ZBTB46: variants seen among roughly 807,000 people sequenced by gnomAD.
The protein encoded by ZBTB46 is zinc finger and BTB domain-containing protein 46.
Under a neutral mutation model 44.1 loss-of-function variants are expected in ZBTB46, and 8 were observed. That is an observed-to-expected ratio of 0.18 (90% CI 0.11 to 0.33). ZBTB46 has a LOEUF of 0.33. ZBTB46 is among the 10% of genes least tolerant of loss of function. ZBTB46 has a pLI of 1.00. For missense variants in ZBTB46, 651 were observed against 847.7 expected, an observed-to-expected ratio of 0.77 and a Z score of 2.88; for synonymous variants, 409 against 382.3, an observed-to-expected ratio of 1.07 and a Z score of -0.81.
At chr20:63,782,235 A>G (rs1021071450) in intron 2 of ZBTB46, among the ~76,000 whole-genome samples, 2 of 149,274 alleles carry the variant, frequency 1.3e-5, no homozygotes, top group African/African-American at 5.0e-5. Context: ...TGGCAGAACG[A>G]CTCCGCAGAC....
At chr20:63,760,664 G>T (rs1235196164) in intron 3 of ZBTB46, among the ~76,000 whole-genome samples, 1 of 152,014 alleles carries the variant, frequency 6.6e-6, no homozygotes, top group African/African-American at 2.4e-5. Context: ...CACCGTGTTA[G>T]CCAGGATGGT....
In ZBTB46 at chr20:63,816,181, A is replaced by G. The variant is rs550014073; in HGVS notation, c.-34+14916T>C. Among the ~76,000 whole-genome samples, 49 of 150,738 alleles carry G rather than the reference A, an allele frequency of 3.3e-4. No individual in the cohort carries two copies. In the East Asian group the frequency reaches 8.5e-3, roughly 26 times the overall value. ...GTGCAGGTGCGGTGGGCACAGATGC[A>G]GTGGGCACAGGTGCAGTGAGCAAGG... On this transcript the variant is annotated intron_variant, in intron 1 of 4. Transcript: ENST00000245663.
intron 1 of ZBTB46, among the ~76,000 whole-genome samples, chr20:63,821,513 C>T (rs150115616): frequency 1.2e-3 from 175 of 151,480 alleles, no homozygotes; most frequent in African/African-American, 3.6e-3. Context: ...GCTCTCAGCT[C>T]ACTGCAACCT....
intron 1 of ZBTB46, among the ~76,000 whole-genome samples, chr20:63,819,352 C>G (rs933370275): frequency 6.6e-6 from 1 of 152,186 alleles, no homozygotes; most frequent in Non-Finnish European, 1.5e-5. Context: ...CCTCCAGGAG[C>G]GCATCCCGAA....
chr20:63,810,145 C>G (rs748735254), intron 1 of ZBTB46, among the ~76,000 whole-genome samples: 12 of 152,148 alleles, frequency 7.9e-5, no homozygotes, highest in Non-Finnish European at 1.2e-4. Context: ...TTCTGAGACT[C>G]TGCCCCAAGG....
chr20:63,797,436 T>G (rs907531867), intron 1 of ZBTB46, among the ~76,000 whole-genome samples: 1 of 152,208 alleles, frequency 6.6e-6, no homozygotes, highest in African/African-American at 2.4e-5. Context: ...AAGTCTTTAC[T>G]ATCGTGAATA....
intron 1 of ZBTB46, among the ~76,000 whole-genome samples, chr20:63,816,047 T>G (rs547692066): frequency 8.8e-6 from 1 of 114,244 alleles, no homozygotes; most frequent in African/African-American, 3.5e-5. Flanking sequence ...GTGCGGTGGG[T>G]GCAGGTGCGG....
intron 3 of ZBTB46, among the ~76,000 whole-genome samples, chr20:63,765,090 C>T (rs1282309249): frequency 3.9e-5 from 5 of 127,196 alleles, no homozygotes; most frequent in Non-Finnish European, 5.0e-5. Flanking sequence ...TGCATGTGTG[C>T]ATGTGTATGT....
chr20:63,756,022 C>T (rs181549619), intron 3 of ZBTB46, among the ~76,000 whole-genome samples: 4 of 152,308 alleles, frequency 2.6e-5, no homozygotes, highest in East Asian at 3.9e-4. Flanking sequence ...CATCCGGCTG[C>T]GACTGTACAG....
At chr20:63,795,363 G>A (rs1568879077) in intron 1 of ZBTB46, among the ~76,000 whole-genome samples, 1 of 152,212 alleles carries the variant, frequency 6.6e-6, no homozygotes, top group African/African-American at 2.4e-5. Context: ...CCAGGTGCAC[G>A]GGACGCTGCG....
chr20:63,781,947 C>T (rs140799045), intron 2 of ZBTB46, among the ~76,000 whole-genome samples: 1,561 of 148,944 alleles, frequency 0.01, 23 homozygotes, highest in African/African-American at 0.036. Flanking sequence ...ATTAGCCAGG[C>T]GTGGTGGTGG....
intron 1 of ZBTB46, among the ~76,000 whole-genome samples, chr20:63,795,184 G>A (rs1023050933): frequency 6.6e-6 from 1 of 152,174 alleles, no homozygotes; most frequent in African/African-American, 2.4e-5. Flanking sequence ...TATATATCAC[G>A]AATCTCAAGA....
chr20:63,793,915 G>A (rs895178793), intron 1 of ZBTB46, among the ~76,000 whole-genome samples: 5 of 152,132 alleles, frequency 3.3e-5, no homozygotes, highest in East Asian at 3.9e-4. Context: ...GGCCAGGCGC[G>A]GTGGCTCACG....
chr20:63,762,951 T>A (rs1428668596), intron 3 of ZBTB46, among the ~76,000 whole-genome samples: 1 of 152,172 alleles, frequency 6.6e-6, no homozygotes, highest in East Asian at 1.9e-4. Flanking sequence ...AACCTCAAAC[T>A]TTTGGGCTCA....
At position 63,815,946 on chromosome 20, in the gene ZBTB46, A is replaced by ACAG. The variant is rs1555856684; in HGVS notation, c.-34+15150_-34+15151insCTG. Among the ~76,000 whole-genome samples, 4 of 123,634 alleles carry ACAG rather than the reference A, an allele frequency of 3.2e-5. No homozygotes were observed. In the East Asian group the frequency reaches 1.0e-3, roughly 32 times the overall value. The allele number at this position is 123,634 out of a possible 152,430, so 81.1% of individuals were successfully genotyped here. A position where few individuals can be genotyped will look rare whatever the true frequency, so the allele number is the denominator to read the frequency against. ...GCACAGGTGCAGTGGGTGCAGGTACAGTGGGCACAGGTGCAGTGGGTGCAG... is the reference window on the plus strand; with the variant it reads ...GCACAGGTGCAGTGGGTGCAGGTACACAGGTGGGCACAGGTGCAGTGGGTGCAG... On this transcript the variant is annotated intron_variant, in intron 1 of 4. Transcript: ENST00000245663.
intron 1 of ZBTB46, among the ~76,000 whole-genome samples, chr20:63,825,967 G>C (rs995992600): frequency 2.0e-5 from 3 of 152,192 alleles, no homozygotes; most frequent in African/African-American, 7.2e-5. Flanking sequence ...CGCGGTCCAG[G>C]TGTGTCCACC....
At chr20:63,770,633 T>C (rs1250130297) in intron 3 of ZBTB46, among the ~76,000 whole-genome samples, 1 of 152,204 alleles carries the variant, frequency 6.6e-6, no homozygotes, top group East Asian at 1.9e-4. Context: ...GCATATTTAA[T>C]GGTTCTCTAA....
intron 1 of ZBTB46, among the ~76,000 whole-genome samples, chr20:63,804,865 C>T (rs1293169057): frequency 6.6e-6 from 1 of 151,100 alleles, no homozygotes; most frequent in African/African-American, 2.4e-5. Context: ...GCACTCCAGC[C>T]TGGGCAACAT....
intron 1 of ZBTB46, among the ~76,000 whole-genome samples, chr20:63,792,877 G>A (rs2145940206): frequency 6.6e-6 from 1 of 152,376 alleles, no homozygotes; most frequent in Admixed American, 6.5e-5. Flanking sequence ...GGAAGATGAG[G>A]TAGAAAGGAG....
Sources: gnomAD v4.1 joint callset for allele counts (sites outside exome capture counted in the v4.1 genomes callset) on GRCh38, gnomAD v4.1.1 for gene constraint, MANE v1.5 for transcripts, NCBI Gene and HGNC (gene_info 2026-07-23, HGNC 2026-07-21) for gene names.